FGF12: variants seen among roughly 807,000 people sequenced by gnomAD.
The protein encoded by FGF12 is fibroblast growth factor 12B.
In FGF12, 14 loss-of-function variants were observed where a neutral mutation model predicts 23.6. The ratio of observed to expected loss-of-function variants is 0.59; its 90% CI spans 0.39 to 0.93. The LOEUF (loss-of-function observed/expected upper bound fraction) is 0.93, where lower values mean the gene tolerates loss of function less well. Ranked by LOEUF, FGF12 falls within the 40% of genes least tolerant of loss-of-function variation. FGF12 has a pLI of 0.00. For missense variants in FGF12, 175 were observed against 217.8 expected (o/e 0.80, Z 1.24); for synonymous variants, 62 against 77.3 (o/e 0.80, Z 1.04).
At chr3:192,526,658 T>G (rs1331716210) in intron 2 of FGF12, among the ~76,000 whole-genome samples, 1 of 152,204 alleles carries the variant, frequency 6.6e-6, no homozygotes, top group East Asian at 1.9e-4. Flanking sequence ...TATTTCTGCC[T>G]TTCGCAATAT....
chr3:192,228,963 C>T lies in FGF12; in HGVS notation c.229-58307G>A, dbSNP rs73064523. Among the ~76,000 whole-genome samples, 249 of 151,904 alleles carry T rather than the reference C, an allele frequency of 1.6e-3. 2 individuals are homozygous for T. Among genetic ancestry groups the T allele is most frequent in the African/African-American group, 5.5e-3 (229 of 41,454 alleles). On this transcript the variant is annotated intron_variant, in intron 4 of 5. Transcript: ENST00000445105. ...TTATTCAATCCTCACAATAATTTTC[C>T]GAGTTACATATGTAGCATAATCCTC... is the stretch of plus-strand genomic sequence containing the variant.
At chr3:192,428,045 G>C (rs2108788343) in intron 2 of FGF12, among the ~76,000 whole-genome samples, 1 of 152,246 alleles carries the variant, frequency 6.6e-6, no homozygotes, top group Non-Finnish European at 1.5e-5. Context: ...TAGCAAGTTG[G>C]GTCAGGTAGA....
chr3:192,684,849 T>A (rs369482501), intron 2 of FGF12, among the ~76,000 whole-genome samples: 6 of 152,182 alleles, frequency 3.9e-5, no homozygotes, highest in African/African-American at 1.4e-4. Flanking sequence ...AGGCAAGGAA[T>A]CTATAATAAT....
At chr3:192,226,378 A>C (rs931539784) in intron 4 of FGF12, among the ~76,000 whole-genome samples, 1 of 152,292 alleles carries the variant, frequency 6.6e-6, no homozygotes, top group South Asian at 2.1e-4. Flanking sequence ...TGTATGTAGC[A>C]ATCTCCATTT....
intron 2 of FGF12, among the ~76,000 whole-genome samples, chr3:192,708,499 A>G (rs534531463): frequency 6.6e-6 from 1 of 152,338 alleles, no homozygotes; most frequent in Non-Finnish European, 1.5e-5. Context: ...TGTATACTTA[A>G]CATGTGCCAA....
At chr3:192,563,287 A>T (rs555102055) in intron 2 of FGF12, among the ~76,000 whole-genome samples, 99 of 152,372 alleles carry the variant, frequency 6.5e-4, no homozygotes, top group African/African-American at 2.2e-3. Context: ...ATGGCTAGAC[A>T]ATCCAATCTT....
At chr3:192,662,902 C>G (rs759964369) in intron 2 of FGF12, among the ~76,000 whole-genome samples, 3 of 152,170 alleles carry the variant, frequency 2.0e-5, no homozygotes, top group Non-Finnish European at 4.4e-5. Context: ...CGTTGGGAGA[C>G]CTGGTTCTCA....
At chr3:192,338,674 C>A (rs893117215) in intron 3 of FGF12, among the ~76,000 whole-genome samples, 6 of 152,160 alleles carry the variant, frequency 3.9e-5, no homozygotes, top group African/African-American at 1.4e-4. Context: ...TCCCTGAGAG[C>A]TTTGTGGAGC....
intron 2 of FGF12, among the ~76,000 whole-genome samples, chr3:192,424,441 G>C (rs576073695): frequency 2.0e-5 from 3 of 152,220 alleles, no homozygotes; most frequent in African/African-American, 7.2e-5. Flanking sequence ...TTCTCCACCA[G>C]GTAATTTCAA....
chr3:192,472,031 G>C (rs75459237), intron 2 of FGF12, among the ~76,000 whole-genome samples: 1 of 152,090 alleles, frequency 6.6e-6, no homozygotes, highest in Admixed American at 6.5e-5. Flanking sequence ...TGTTGTTTGT[G>C]TTTTGAGATG....
At chr3:192,727,402 T>C (rs1411200062) in intron 1 of FGF12, 79 bp from the exon 2 acceptor site, 9 of 1,431,108 alleles carry the variant, frequency 6.3e-6, no homozygotes, top group Non-Finnish European at 7.4e-6. Flanking sequence ...AGATTGCCTC[T>C]ACAGGGGATA....
chr3:192,200,328 T>TA (rs962790507), intron 4 of FGF12, among the ~76,000 whole-genome samples: 16 of 146,772 alleles, frequency 1.1e-4, no homozygotes, highest in South Asian at 4.3e-4. Flanking sequence ...GAGTCCATCT[T>TA]AAAAAAAAAA....
chr3:192,647,739 A>ATATATGTATATATG (rs1716066568), intron 2 of FGF12, among the ~76,000 whole-genome samples: 4 of 147,264 alleles, frequency 2.7e-5, no homozygotes, highest in Non-Finnish European at 5.9e-5. Context: ...ATATACATAC[A>ATATATGTATATATG]TGTATATATA....
intron 2 of FGF12, among the ~76,000 whole-genome samples, chr3:192,364,775 G>GA (rs1718894453): frequency 6.6e-6 from 1 of 152,154 alleles, no homozygotes; most frequent in Non-Finnish European, 1.5e-5. Flanking sequence ...AACTGAATAA[G>GA]AAATAAACTT....
chr3:192,392,397 G>A (rs887953312), intron 2 of FGF12, among the ~76,000 whole-genome samples: 2 of 123,314 alleles, frequency 1.6e-5, no homozygotes, highest in South Asian at 2.7e-4. Flanking sequence ...GAGAAACCCC[G>A]TCTCTACTAA....
At chr3:192,448,174 G>A (rs996274084) in intron 2 of FGF12, among the ~76,000 whole-genome samples, 1 of 152,210 alleles carries the variant, frequency 6.6e-6, no homozygotes, top group East Asian at 1.9e-4. Context: ...TTTCTACCTT[G>A]CAGCTATTAA....
At chr3:192,460,540 C>T (rs995049233) in intron 2 of FGF12, among the ~76,000 whole-genome samples, 3 of 151,974 alleles carry the variant, frequency 2.0e-5, no homozygotes, top group African/African-American at 4.8e-5. Context: ...GCAGAGTACA[C>T]GTGCTCTGCA....
intron 2 of FGF12, among the ~76,000 whole-genome samples, chr3:192,604,480 A>C (rs1398868095): frequency 1.3e-5 from 2 of 152,148 alleles, no homozygotes; most frequent in African/African-American, 4.8e-5. Flanking sequence ...ACTTCCCACA[A>C]CAGGAATGCA....
chr3:192,343,124 G>C (rs557946301), intron 3 of FGF12, among the ~76,000 whole-genome samples: 23 of 152,212 alleles, frequency 1.5e-4, no homozygotes, highest in African/African-American at 5.5e-4. Context: ...TGCTTGTAAC[G>C]AAGAAAGGTA....
Sources: allele counts gnomAD v4.1 joint callset (sites outside exome capture counted in the v4.1 genomes callset), GRCh38; gene constraint gnomAD v4.1.1; transcripts MANE v1.5; gene names NCBI Gene and HGNC (gene_info 2026-07-23, HGNC 2026-07-21).